The following NDUFB1 variants were observed in gnomAD, a reference collection of about 807,000 sequenced individuals.
NDUFB1 encodes the protein NADH:ubiquinone oxidoreductase subunit B1, also known as NADH dehydrogenase [ubiquinone] 1 beta subcomplex subunit 1.
In NDUFB1, 6 loss-of-function variants were observed where a neutral mutation model predicts 6.7. The observed-to-expected ratio is 0.89, with a 90% CI of 0.49 to 1.76. The LOEUF is 1.76. Ranked by LOEUF, NDUFB1 falls within the 40% of genes most tolerant of loss-of-function variation. NDUFB1 has a pLI of 0.01. For missense variants in NDUFB1, 56 were observed against 71.0 expected, an observed-to-expected ratio of 0.79 and a Z score of 0.76; for synonymous variants, 17 against 22.9, an observed-to-expected ratio of 0.74 and a Z score of 0.74.
chr14:92,117,846 A>G, intron 1 of NDUFB1: 2 of 530,374 alleles, frequency 3.8e-6, no homozygotes, highest in South Asian at 4.1e-5. Context: ...AAAAGCACAA[A>G]AATTAGCCGG....
At chr14:92,119,114 C>T (rs1291541411) in intron 1 of NDUFB1, 2 of 176,282 alleles carry the variant, frequency 1.1e-5, no homozygotes, top group African/African-American at 4.8e-5. Context: ...GAGCTTGAGA[C>T]TAGCCTGGTT....
At chr14:92,118,513 T>C (rs566110677) in intron 1 of NDUFB1, 3 of 152,278 alleles carry the variant, frequency 2.0e-5, no homozygotes, top group African/African-American at 7.2e-5. Flanking sequence ...TTAGAACCTC[T>C]CACAATGCAA....
intron 1 of NDUFB1, among the ~76,000 whole-genome samples, chr14:92,119,175 G>A (rs1187121655): frequency 6.6e-6 from 1 of 151,074 alleles, no homozygotes; most frequent in African/African-American, 2.4e-5. Flanking sequence ...AGCTGGGTGT[G>A]GTAGTATATG....
Position 92,117,459 on chromosome 14 carries a change from A to G in NDUFB1, c.140+39T>C, listed in dbSNP as rs1001573905. 1.9e-6 allele frequency: 3 copies of G among 1,609,902 alleles called. No individual in the cohort carries two copies. In the Admixed American group the frequency reaches 5.0e-5, roughly 27 times the overall value. Reference sequence around the variant, plus strand: ...CACATATCAAAAAGAATATTCCCCAAATTTGGCCAATTGCTGGTTTAAAAA... The same window carrying G: ...CACATATCAAAAAGAATATTCCCCAGATTTGGCCAATTGCTGGTTTAAAAA... On this transcript the variant is annotated intron_variant, in intron 2 of 2. Coordinates refer to ENST00000605997, the MANE Select transcript of NDUFB1 (RefSeq NM_004545.4).
intron 1 of NDUFB1, chr14:92,118,911 T>G (rs2141438649): frequency 3.3e-6 from 1 of 304,418 alleles, no homozygotes; most frequent in Admixed American, 4.5e-5. Context: ...GAGGCAGAGG[T>G]TGCAGTGAGC....
intron 1 of NDUFB1, 53 bp downstream of exon 1, chr14:92,121,589 C>T: frequency 2.5e-6 from 4 of 1,609,642 alleles, no homozygotes; most frequent in Non-Finnish European, 3.4e-6. Flanking sequence ...ACCCTCCCCG[C>T]CACCGTCGCC....
At chr14:92,119,391 T>C (rs2068737922) in intron 1 of NDUFB1, among the ~76,000 whole-genome samples, 2 of 152,190 alleles carry the variant, frequency 1.3e-5, no homozygotes, top group South Asian at 4.1e-4. Flanking sequence ...ATAACTATTA[T>C]TTACATTTTA....
rs752232415 is a variant in NDUFB1, at chr14:92,117,487, T to C, written c.140+11A>G. On this transcript the variant is annotated intron_variant, in intron 2 of 2. Coordinates refer to ENST00000605997, the MANE Select transcript of NDUFB1 (RefSeq NM_004545.4). ...TTGGCCAATTGCTGGTTTAAAAAAA[T>C]GCAGACTAACCTTTTAAATAACATA... 24 of 1,611,952 alleles carry C rather than the reference T, an allele frequency of 1.5e-5. No homozygotes were observed. The highest frequency in any genetic ancestry group is 1.7e-5 in the Non-Finnish European group (20 of 1,179,908).
intron 2 of NDUFB1, 96 bp from the exon 3 acceptor site, chr14:92,116,325 C>CATTTT: frequency 2.8e-5 from 18 of 648,626 alleles, no homozygotes; most frequent in Non-Finnish European, 4.0e-5. Context: ...TGCAATATTT[C>CATTTT]ATTTTCTTTT....
chr14:92,121,035 G>A (rs1296622981), intron 1 of NDUFB1, among the ~76,000 whole-genome samples: 2 of 152,010 alleles, frequency 1.3e-5, no homozygotes, highest in Admixed American at 6.5e-5. Flanking sequence ...GGTGGCGGGC[G>A]CCTGTAATCC....
chr14:92,116,129 ATTC>A lies in NDUFB1; in HGVS notation c.*61_*63del. 1.4e-6 allele frequency: 2 copies of A among 1,443,896 alleles called. No homozygotes were observed. The highest frequency in any genetic ancestry group is 1.4e-5 in the African/African-American group (1 of 71,418). 89.4% of individuals were successfully genotyped at this position (1,443,896 alleles called of 1,614,324 possible). On this transcript the variant is annotated 3_prime_UTR_variant, in exon 3 of 3. Transcript: ENST00000605997. ...TTGTATGAAAAGAAAGACATTTCAGATTCTTCATGTTTTTATTTCTCTCAGAAC... is the reference window on the plus strand; with the variant it reads ...TTGTATGAAAAGAAAGACATTTCAGATTCATGTTTTTATTTCTCTCAGAAC...
chr14:92,120,598 C>A (rs143676060), intron 1 of NDUFB1, among the ~76,000 whole-genome samples: 99 of 152,116 alleles, frequency 6.5e-4, no homozygotes, highest in African/African-American at 2.3e-3. Flanking sequence ...GGTCCGCCCG[C>A]CTAGGCCTCC....
At chr14:92,121,215 G>A in intron 1 of NDUFB1, 1 of 232,820 alleles carries the variant, frequency 4.3e-6, no homozygotes. Flanking sequence ...GCGCAACGGT[G>A]TCGGCTCAAG....
At position 92,116,244 on chromosome 14, in the gene NDUFB1, A is replaced by G; in HGVS notation, c.141-15T>C. 1 of 1,610,524 alleles carries G rather than the reference A, an allele frequency of 6.2e-7. No homozygotes were observed. The highest frequency in any genetic ancestry group is 1.1e-5 in the South Asian group (1 of 90,836). ...GTTGCAATTCCCTGTGTGGAAAGCA[A>G]AAAAGGAAGAAATGGAAAAACTGTA... is the stretch of plus-strand genomic sequence containing the variant. On this transcript the variant is annotated splice_polypyrimidine_tract_variant and intron_variant, in intron 2 of 2. Coordinates refer to ENST00000605997, the MANE Select transcript of NDUFB1 (RefSeq NM_004545.4).
chr14:92,116,328 T>G (rs1277078758), intron 2 of NDUFB1, 99 bp from the exon 3 acceptor site: 1 of 887,250 alleles, frequency 1.1e-6, no homozygotes, highest in Non-Finnish European at 1.7e-6. Context: ...AATATTTCAT[T>G]TTCTTTTTTT....
intron 1 of NDUFB1, chr14:92,118,384 A>G (rs1168355891): frequency 6.6e-6 from 1 of 152,218 alleles, no homozygotes; most frequent in Non-Finnish European, 1.5e-5. Flanking sequence ...CAGGCACTAC[A>G]GCTCTCAACT....
At chr14:92,121,500 C>G (rs1162453888) in intron 1 of NDUFB1, 142 bp downstream of exon 1, 1 of 1,267,016 alleles carries the variant, frequency 7.9e-7, no homozygotes, top group Non-Finnish European at 1.1e-6. Context: ...ATTTTCCTTT[C>G]CCGTCACCTT....
At position 92,117,779 on chromosome 14, in the gene NDUFB1, C is replaced by T. The variant is rs895866450; in HGVS notation, c.-5-137G>A. 2.7e-5 allele frequency: 23 copies of T among 838,726 alleles called. 1 individual carries two copies. The highest frequency in any genetic ancestry group is 1.6e-4 in the Admixed American group (6 of 38,416). 52.0% of individuals were successfully genotyped at this position (838,726 alleles called of 1,614,324 possible). A position where few individuals can be genotyped will look rare whatever the true frequency, so the allele number is the denominator to read the frequency against. Reference sequence around the variant, plus strand: ...TTGGGATGCTGAGGTGGGCAGATCACTTGAGATTAGGAGTTCGAGACCAGC... The same window carrying T: ...TTGGGATGCTGAGGTGGGCAGATCATTTGAGATTAGGAGTTCGAGACCAGC... On this transcript the variant is annotated intron_variant, in intron 1 of 2. Coordinates refer to ENST00000605997, the MANE Select transcript of NDUFB1 (RefSeq NM_004545.4).
intron 2 of NDUFB1, 32 bp downstream of exon 2, chr14:92,117,466 C>A: frequency 1.2e-6 from 2 of 1,611,324 alleles, no homozygotes; most frequent in Non-Finnish European, 1.7e-6. Context: ...CCAAATTTGG[C>A]CAATTGCTGG....
Sources: allele counts gnomAD v4.1 joint callset (sites outside exome capture counted in the v4.1 genomes callset), GRCh38; gene constraint gnomAD v4.1.1; transcripts MANE v1.5; gene names NCBI Gene and HGNC (gene_info 2026-07-23, HGNC 2026-07-21).